FNDC3A: variants seen among roughly 807,000 people sequenced by gnomAD.
The protein encoded by FNDC3A is fibronectin type-III domain-containing protein 3A.
A neutral mutation model predicts 148.9 loss-of-function variants in FNDC3A; 32 were observed. That is an observed-to-expected ratio of 0.21 (90% CI 0.16 to 0.29). The LOEUF (loss-of-function observed/expected upper bound fraction) is 0.29, where lower values mean the gene tolerates loss of function less well. Among genes scored for constraint, FNDC3A ranks in the 10% least tolerant of loss-of-function variants. The pLI, the probability that FNDC3A is intolerant of heterozygous loss-of-function variation, is 1.00. For synonymous variants in FNDC3A, 472 were observed against 473.6 expected (o/e 1.00, Z 0.04); for missense variants, 1,191 against 1,452.8 (o/e 0.82, Z 2.93).
chr13:49,175,321 G>A, intron 12 of FNDC3A, 46 bp from the exon 13 acceptor site: 1 of 1,395,968 alleles, frequency 7.2e-7, no homozygotes, highest in Non-Finnish European at 9.5e-7. Context: ...TTCTTTCACT[G>A]TAAAAATAAC....
intron 2 of FNDC3A, among the ~76,000 whole-genome samples, chr13:49,063,738 C>T (rs1038605471): frequency 3.3e-5 from 5 of 152,152 alleles, no homozygotes; most frequent in African/African-American, 1.2e-4. Context: ...CCCATACTCA[C>T]GTCTCTCTGG....
intron 3 of FNDC3A, among the ~76,000 whole-genome samples, chr13:49,102,547 C>G (rs1215016639): frequency 1.3e-5 from 2 of 152,174 alleles, no homozygotes; most frequent in South Asian, 4.1e-4. Flanking sequence ...ACTTCATACC[C>G]TTACTATTCT....
At chr13:49,058,044 G>A (rs1876383660) in intron 2 of FNDC3A, among the ~76,000 whole-genome samples, 1 of 152,076 alleles carries the variant, frequency 6.6e-6, no homozygotes, top group Non-Finnish European at 1.5e-5. Context: ...GGTAATATGG[G>A]TGGGCCCTAA....
chr13:49,206,998 A>C, intron 25 of FNDC3A, 83 bp from the exon 26 acceptor site: 1 of 978,196 alleles, frequency 1.0e-6, no homozygotes, highest in Non-Finnish European at 1.5e-6. Context: ...TCACATGAAA[A>C]ACAATTCTAA....
intron 8 of FNDC3A, among the ~76,000 whole-genome samples, chr13:49,150,900 G>A (rs184339949): frequency 7.6e-4 from 110 of 145,336 alleles, no homozygotes; most frequent in African/African-American, 2.8e-3. Context: ...AGCCAAGATG[G>A]CACCACTGCA....
intron 3 of FNDC3A, among the ~76,000 whole-genome samples, chr13:49,091,710 C>A (rs1333857527): frequency 6.6e-6 from 1 of 152,222 alleles, no homozygotes; most frequent in Admixed American, 6.5e-5. Flanking sequence ...AGGGAACTCT[C>A]CATGAGGCCA....
intron 2 of FNDC3A, among the ~76,000 whole-genome samples, chr13:49,022,645 C>T (rs546945580): frequency 1.2e-3 from 178 of 152,148 alleles, no homozygotes; most frequent in Middle Eastern, 3.4e-3. Context: ...TAATACAAAC[C>T]ATTAATCATA....
chr13:49,059,201 A>C (rs1876475743), intron 2 of FNDC3A, among the ~76,000 whole-genome samples: 1 of 152,248 alleles, frequency 6.6e-6, no homozygotes, highest in Non-Finnish European at 1.5e-5. Context: ...CTCACATCAT[A>C]TACAAAAAAA....
intron 2 of FNDC3A, among the ~76,000 whole-genome samples, chr13:49,011,674 A>G (rs751498337): frequency 6.6e-6 from 1 of 152,056 alleles, no homozygotes. Flanking sequence ...GTATATGCCT[A>G]TAGTCCCAGC....
intron 1 of FNDC3A, among the ~76,000 whole-genome samples, chr13:48,988,810 A>T (rs1951853453): frequency 1.3e-5 from 2 of 151,410 alleles, no homozygotes; most frequent in Admixed American, 6.6e-5. Context: ...GTGCCACTGC[A>T]CTCCAGCCTG....
intron 3 of FNDC3A, among the ~76,000 whole-genome samples, chr13:49,090,285 G>A (rs1358534828): frequency 3.3e-5 from 5 of 152,286 alleles, no homozygotes; most frequent in Admixed American, 1.3e-4. Context: ...AGCTGGGCAT[G>A]GTGGCATGTG....
At chr13:49,092,391 G>A (rs1041225282) in intron 3 of FNDC3A, among the ~76,000 whole-genome samples, 2 of 152,190 alleles carry the variant, frequency 1.3e-5, no homozygotes, top group Non-Finnish European at 2.9e-5. Context: ...CACCTTAGGA[G>A]GAATGTCTCA....
intron 8 of FNDC3A, among the ~76,000 whole-genome samples, chr13:49,158,945 T>C (rs1392407004): frequency 6.6e-6 from 1 of 152,220 alleles, no homozygotes; most frequent in Non-Finnish European, 1.5e-5. Context: ...TGTGGTATTA[T>C]TTCTGAGGGC....
intron 2 of FNDC3A, chr13:49,045,536 A>T: frequency 3.3e-6 from 1 of 304,486 alleles, no homozygotes; most frequent in Non-Finnish European, 6.6e-6. Context: ...GGCATGTGTG[A>T]CATTTCTACT....
At chr13:49,038,964 G>A (rs909433550) in intron 2 of FNDC3A, among the ~76,000 whole-genome samples, 5 of 151,998 alleles carry the variant, frequency 3.3e-5, no homozygotes, top group African/African-American at 1.2e-4. Flanking sequence ...CTCCAGAGAG[G>A]GACCTGAATA....
At chr13:49,180,743 A>C (rs1035637901) in intron 14 of FNDC3A, among the ~76,000 whole-genome samples, 1 of 152,068 alleles carries the variant, frequency 6.6e-6, no homozygotes, top group Non-Finnish European at 1.5e-5. Flanking sequence ...TCAAATTTCT[A>C]TTTAGGCCAG....
intron 13 of FNDC3A, among the ~76,000 whole-genome samples, chr13:49,176,790 A>C (rs537650724): frequency 6.6e-6 from 1 of 152,060 alleles, no homozygotes; most frequent in South Asian, 2.1e-4. Context: ...GTTAGGTATG[A>C]TGGAGAACTC....
At chr13:49,070,073 T>C (rs1275740891) in intron 2 of FNDC3A, among the ~76,000 whole-genome samples, 1 of 152,208 alleles carries the variant, frequency 6.6e-6, no homozygotes, top group East Asian at 1.9e-4. Context: ...TCTGGATCAG[T>C]GTTGCCTAAT....
chr13:49,063,264 C>T (rs186722968), intron 2 of FNDC3A, among the ~76,000 whole-genome samples: 1 of 152,048 alleles, frequency 6.6e-6, no homozygotes, highest in Admixed American at 6.5e-5. Flanking sequence ...ATTTTCTATA[C>T]AAATAAAACT....
Sources: allele counts gnomAD v4.1 joint callset (sites outside exome capture counted in the v4.1 genomes callset), GRCh38; gene constraint gnomAD v4.1.1; transcripts MANE v1.5; gene names NCBI Gene and HGNC (gene_info 2026-07-23, HGNC 2026-07-21).